CCDC62: variants seen among roughly 807,000 people sequenced by gnomAD.
CCDC62 encodes the protein coiled-coil domain containing 62, also known as coiled-coil domain-containing protein 62.
In CCDC62, 72 loss-of-function variants were observed where a neutral mutation model predicts 80.8. The observed-to-expected ratio is 0.89, with a 90% confidence interval of 0.74 to 1.08. The LOEUF (loss-of-function observed/expected upper bound fraction) is 1.08, where lower values mean the gene tolerates loss of function less well. CCDC62 is among the 50% of genes least tolerant of loss of function. The pLI is 0.00. For synonymous variants in CCDC62, 286 were observed against 296.5 expected (o/e 0.96, Z 0.36); for missense variants, 704 against 809.4 (o/e 0.87, Z 1.58).
rs1294234465 is a variant in CCDC62, at chr12:122,801,674, A to G, written c.1528A>G (p.Met510Val). 4 of 1,614,202 alleles carry G rather than the reference A, an allele frequency of 2.5e-6. No homozygotes were observed. The Admixed American group carries it at 5.0e-5, about 20-fold the overall frequency. The change falls in exon 9 of 13, where the codon ATG becomes GTG. Residue 510 changes from methionine to valine, a missense_variant. Transcript: ENST00000253079. ...TGAAGCCTGTCTGGGCGAAAGTGGC[A>G]TGTGTGACTCCAAGTGCTGCCACCC... ...KNEACLGESG[M>V]CDSKCCHPSN...
rs765332726 is a variant in CCDC62 at position 122,788,847 on chromosome 12, GGCGGA to G, written c.590_594del (p.Ala197AspfsTer11). 23 of 1,611,774 alleles carry G rather than the reference GGCGGA, an allele frequency of 1.4e-5. No individual in the cohort carries two copies. Among genetic ancestry groups the G allele is most frequent in the Non-Finnish European group, 7.6e-6 (9 of 1,179,422 alleles). ...AGCATGCCCTACGTGATGCCAAGAT[GGCGGA>G]GACTTGTATTGTGAAAGAAAAGCAA... On this transcript the variant is annotated frameshift_variant, in exon 5 of 13. Transcript: ENST00000253079. LOFTEE classifies it high-confidence loss of function.
At chr12:122,787,868 C>T (rs1402067304) in intron 4 of CCDC62, among the ~76,000 whole-genome samples, 1 of 152,092 alleles carries the variant, frequency 6.6e-6, no homozygotes, top group African/African-American at 2.4e-5. Context: ...GTAGGAATCC[C>T]AGGTTTAAGG....
chr12:122,809,557 G>A (rs1185505341), intron 10 of CCDC62, among the ~76,000 whole-genome samples: 3 of 152,174 alleles, frequency 2.0e-5, no homozygotes, highest in Admixed American at 6.6e-5. Flanking sequence ...AGGCTGAGGC[G>A]GGTGGATCAC....
chr12:122,782,951 T>C (rs1301086333), intron 3 of CCDC62, among the ~76,000 whole-genome samples: 1 of 150,916 alleles, frequency 6.6e-6, no homozygotes, highest in East Asian at 2.1e-4. Flanking sequence ...TACTAAAAAT[T>C]CAAAAATTAA....
At chr12:122,817,968 G>A (rs1001734981) in intron 11 of CCDC62, among the ~76,000 whole-genome samples, 2 of 152,090 alleles carry the variant, frequency 1.3e-5, no homozygotes, top group African/African-American at 2.4e-5. Context: ...TGCCACAGGC[G>A]GTCTCAGGGC....
chr12:122,825,832 CA>C (rs111491915), intron 12 of CCDC62, among the ~76,000 whole-genome samples: 6 of 142,804 alleles, frequency 4.2e-5, no homozygotes, highest in South Asian at 4.5e-4. Flanking sequence ...CTAAAAATAC[CA>C]AAAAAAAAAA....
intron 5 of CCDC62, among the ~76,000 whole-genome samples, chr12:122,790,973 A>G (rs761597706): frequency 2.0e-5 from 3 of 152,112 alleles, no homozygotes; most frequent in Non-Finnish European, 4.4e-5. Context: ...TATACCACAG[A>G]CATACTCAAG....
At chr12:122,797,820 G>A (rs373355726) in intron 7 of CCDC62, among the ~76,000 whole-genome samples, 5 of 152,138 alleles carry the variant, frequency 3.3e-5, no homozygotes, top group Admixed American at 6.5e-5. Context: ...GATTACAGGC[G>A]TGAACCAGCG....
chr12:122,806,767 T>C (rs535750435), intron 10 of CCDC62, among the ~76,000 whole-genome samples: 1 of 150,480 alleles, frequency 6.6e-6, no homozygotes, highest in East Asian at 2.0e-4. Context: ...TAAGTGTGAA[T>C]CACCGTGCTG....
intron 9 of CCDC62, among the ~76,000 whole-genome samples, chr12:122,803,047 C>T (rs1378294824): frequency 6.6e-6 from 1 of 151,894 alleles, no homozygotes; most frequent in Non-Finnish European, 1.5e-5. Context: ...TTTGTCATGG[C>T]TCTTTTTTTA....
At chr12:122,808,938 A>G (rs2031742434) in intron 10 of CCDC62, among the ~76,000 whole-genome samples, 1 of 152,208 alleles carries the variant, frequency 6.6e-6, no homozygotes, top group South Asian at 2.1e-4. Context: ...CAATTTTTAA[A>G]TTCCAGACAT....
At position 122,781,255 on chromosome 12, in the gene CCDC62, C is replaced by A; in HGVS notation, c.321C>A (p.Leu107=). 1.2e-6 allele frequency: 2 copies of A among 1,614,054 alleles called. No homozygotes were observed. Among genetic ancestry groups the A allele is most frequent in the Non-Finnish European group, 1.7e-6 (2 of 1,179,948 alleles). ...ATCAAATGGAATGCCAAACAGCTCT[C>A]CAAAAGACCCAACTACAGCTTCAGG... The part of the protein sequence containing the change: ...ESNQMECQTA[L]QKTQLQLQEM... Residue 107 remains leucine, a synonymous_variant, in exon 3 of 13, where the codon CTC becomes CTA. Transcript: ENST00000253079.
chr12:122,822,350 T>C (rs189598862), intron 11 of CCDC62, among the ~76,000 whole-genome samples: 1,881 of 151,764 alleles, frequency 0.012, 47 homozygotes, highest in African/African-American at 0.043. Flanking sequence ...GTGATCCGCC[T>C]GCCTCGGCCT....
intron 4 of CCDC62, among the ~76,000 whole-genome samples, chr12:122,786,089 G>A (rs1815943915): frequency 1.3e-5 from 2 of 152,150 alleles, no homozygotes; most frequent in Admixed American, 1.3e-4. Flanking sequence ...TTTTCTCCCC[G>A]GGTATCCATT....
chr12:122,812,773 G>GAAAGAAAGAAAGAA (rs1555257959), intron 10 of CCDC62, among the ~76,000 whole-genome samples: 51 of 68,886 alleles, frequency 7.4e-4, no homozygotes, highest in South Asian at 1.1e-3. Context: ...GAGAGAGAGA[G>GAAAGAAAGAAAGAA]AGAGAGAAAG....
chr12:122,777,757 A>G lies in CCDC62; in HGVS notation c.229+74A>G, dbSNP rs115662875. 2.2e-3 allele frequency: 3,123 copies of G among 1,409,302 alleles called. 65 individuals are homozygous for G. The African/African-American group carries it at 0.04, about 18-fold the overall frequency. 87.3% of individuals were successfully genotyped at this position (1,409,302 alleles called of 1,614,324 possible). A position where few individuals can be genotyped will look rare whatever the true frequency, so the allele number is the denominator to read the frequency against. ...ACATTGATGGGCTCATAGGGAAGAT[A>G]GAGAGGAAGTAAAGACTGCAATCCC... On this transcript the variant is annotated intron_variant, in intron 2 of 12. Coordinates refer to ENST00000253079, the MANE Select transcript of CCDC62 (RefSeq NM_201435.5).
At chr12:122,775,737 C>T (rs541828135) in intron 1 of CCDC62, among the ~76,000 whole-genome samples, 31 of 152,260 alleles carry the variant, frequency 2.0e-4, no homozygotes, top group Non-Finnish European at 4.0e-4. Flanking sequence ...CTCAGCCTCC[C>T]AAATAGCTGG....
intron 12 of CCDC62, among the ~76,000 whole-genome samples, chr12:122,825,850 G>A (rs147417041): frequency 2.3e-3 from 347 of 148,290 alleles, no homozygotes; most frequent in Middle Eastern, 0.01. Context: ...AAAATTAGCC[G>A]GGCATGGAGG....
chr12:122,786,756 C>T lies in CCDC62; in HGVS notation c.498+936C>T, dbSNP rs1046748437. Among the ~76,000 whole-genome samples the T allele has an allele frequency of 2.0e-5, 3 of 150,784 alleles. No individual in the cohort carries two copies. The East Asian group carries it at 6.1e-4, about 31-fold the overall frequency. ...CGGGCAGATCACGAGGTCAGGAGAT[C>T]GAGACCATCCTGGCTAACACGGTGA... On this transcript the variant is annotated intron_variant, in intron 4 of 12. Transcript: ENST00000253079.
Sources: allele counts gnomAD v4.1 joint callset (sites outside exome capture counted in the v4.1 genomes callset), GRCh38; gene constraint gnomAD v4.1.1; transcripts MANE v1.5; gene names NCBI Gene and HGNC (gene_info 2026-07-23, HGNC 2026-07-21).